SNX29: variants seen among roughly 807,000 people sequenced by gnomAD.
SNX29 encodes sorting nexin-29.
SNX29 carries 78 observed loss-of-function variants against 102.1 expected under a neutral mutation model. That is an observed-to-expected ratio of 0.76 (90% CI 0.64 to 0.92). The LOEUF (loss-of-function observed/expected upper bound fraction) is 0.92. Among genes scored for constraint, SNX29 ranks in the 40% least tolerant of loss-of-function variants. SNX29 has a pLI of 0.00. For synonymous variants in SNX29, 580 were observed against 414.5 expected (o/e 1.40, Z -4.85); for missense variants, 1,280 against 1,061.7 (o/e 1.21, Z -2.86).
chr16:12,221,228 GGA>G (rs977746273), intron 14 of SNX29, among the ~76,000 whole-genome samples: 37 of 152,196 alleles, frequency 2.4e-4, no homozygotes, highest in African/African-American at 8.2e-4. Flanking sequence ...AGTGGGGAGG[GGA>G]GAGATTGGAG....
At chr16:12,560,924 C>T (rs982401862) in intron 20 of SNX29, 2 of 202,886 alleles carry the variant, frequency 9.9e-6, no homozygotes, top group Non-Finnish European at 2.0e-5. Context: ...AATAAAGTAC[C>T]TCGTGGTGTT....
chr16:12,389,664 C>T (rs1441395153), intron 16 of SNX29, among the ~76,000 whole-genome samples: 3 of 152,256 alleles, frequency 2.0e-5, no homozygotes, highest in African/African-American at 4.8e-5. Context: ...TTGTGTAACC[C>T]TTTAAGAAGA....
At chr16:12,354,388 C>A (rs538394221) in intron 15 of SNX29, among the ~76,000 whole-genome samples, 1 of 152,310 alleles carries the variant, frequency 6.6e-6, no homozygotes, top group South Asian at 2.1e-4. Flanking sequence ...TGGTCAAGTT[C>A]TGCTCTTCTG....
At chr16:12,040,422 A>G (rs1413487030) in intron 4 of SNX29, among the ~76,000 whole-genome samples, 1 of 152,194 alleles carries the variant, frequency 6.6e-6, no homozygotes, top group Non-Finnish European at 1.5e-5. Flanking sequence ...AAATCTGTGT[A>G]CATGTGGATA....
intron 18 of SNX29, among the ~76,000 whole-genome samples, chr16:12,476,552 A>T (rs2087662560): frequency 6.7e-6 from 1 of 148,504 alleles, no homozygotes; most frequent in African/African-American, 2.5e-5. Context: ...AACTGATCTG[A>T]TTATAGGTTT....
intron 1 of SNX29, among the ~76,000 whole-genome samples, chr16:11,983,235 A>ATTTTTTT (rs557542669): frequency 7.7e-6 from 1 of 129,612 alleles, no homozygotes; most frequent in East Asian, 2.4e-4. Flanking sequence ...CTGGGTTACA[A>ATTTTTTT]TTTTTTTTTT....
intron 8 of SNX29, among the ~76,000 whole-genome samples, chr16:12,055,917 C>A (rs1488472773): frequency 1.3e-5 from 2 of 152,136 alleles, no homozygotes; most frequent in South Asian, 4.1e-4. Context: ...GAGTCTTACT[C>A]CATGGCCCCG....
rs1050238964 is a variant in SNX29, at chr16:12,230,662, A to G, written c.1678+30979A>G. ...CAGATGGTAGGCCTTGAATGCCCCAAATGCTTATCTTTGAGTTAGGTTGGG... is the reference window on the plus strand; with the variant it reads ...CAGATGGTAGGCCTTGAATGCCCCAGATGCTTATCTTTGAGTTAGGTTGGG... On this transcript the variant is annotated intron_variant, in intron 14 of 20. Transcript: ENST00000566228. 2.6e-5 allele frequency among the ~76,000 whole-genome samples: 4 copies of G among 152,190 alleles called. No homozygotes were observed. In the South Asian group the frequency reaches 8.3e-4, roughly 32 times the overall value.
chr16:12,167,111 T>C (rs2076034104), intron 13 of SNX29, among the ~76,000 whole-genome samples: 2 of 152,214 alleles, frequency 1.3e-5, no homozygotes, highest in Admixed American at 1.3e-4. Context: ...AAGTCTTGGC[T>C]TTGCTGGCTG....
intron 14 of SNX29, among the ~76,000 whole-genome samples, chr16:12,261,181 T>G (rs2078743055): frequency 6.9e-6 from 1 of 144,162 alleles, no homozygotes. Context: ...GAGTGAGTGT[T>G]TGCTGAGCTC....
chr16:12,403,370 C>A, intron 17 of SNX29, 78 bp from the exon 18 acceptor site: 1 of 1,423,816 alleles, frequency 7.0e-7, no homozygotes, highest in Non-Finnish European at 9.6e-7. Flanking sequence ...AAAATTGTCT[C>A]CTTTCCTCTT....
At chr16:12,198,746 A>G (rs1443017072) in intron 13 of SNX29, among the ~76,000 whole-genome samples, 2 of 152,198 alleles carry the variant, frequency 1.3e-5, no homozygotes, top group African/African-American at 4.8e-5. Flanking sequence ...CAAACACCGT[A>G]TTTGTCCAAC....
In SNX29 at chr16:12,027,303, C is replaced by T. The variant is rs368201138; in HGVS notation, c.123-17C>T. 195 of 1,612,992 alleles carry T rather than the reference C, an allele frequency of 1.2e-4. No homozygotes were observed. Among genetic ancestry groups the T allele is most frequent in the Non-Finnish European group, 1.6e-4 (189 of 1,179,434 alleles). ...CCCTTTTCTGGGGGGACTGATGAGT[C>T]ATTGGTTTTCTCACAGGGTCACCTG... On this transcript the variant is annotated splice_polypyrimidine_tract_variant and intron_variant, in intron 3 of 20. Transcript: ENST00000566228.
At chr16:12,449,371 G>A (rs1194556717) in intron 18 of SNX29, among the ~76,000 whole-genome samples, 18 of 151,942 alleles carry the variant, frequency 1.2e-4, no homozygotes, top group Admixed American at 1.1e-3. Flanking sequence ...GAATAGGCAC[G>A]GCAAGGACAG....
chr16:12,422,819 T>G (rs114294302), intron 18 of SNX29, among the ~76,000 whole-genome samples: 4 of 152,192 alleles, frequency 2.6e-5, no homozygotes, highest in Non-Finnish European at 5.9e-5. Flanking sequence ...TCTGACAATT[T>G]CACTTTTGTG....
intron 19 of SNX29, among the ~76,000 whole-genome samples, chr16:12,500,360 G>A (rs1262429191): frequency 6.6e-6 from 1 of 152,122 alleles, no homozygotes; most frequent in Non-Finnish European, 1.5e-5. Flanking sequence ...AATAACTGAG[G>A]ACCACCCAGA....
At chr16:12,406,832 C>T (rs1597266273) in intron 18 of SNX29, among the ~76,000 whole-genome samples, 1 of 152,160 alleles carries the variant, frequency 6.6e-6, no homozygotes, top group African/African-American at 2.4e-5. Flanking sequence ...TCGCTTGAAC[C>T]TGGGAGGCAG....
At chr16:11,987,746 A>G (rs568739780) in intron 1 of SNX29, among the ~76,000 whole-genome samples, 1 of 152,344 alleles carries the variant, frequency 6.6e-6, no homozygotes, top group Admixed American at 6.5e-5. Flanking sequence ...AAAGCAAGTA[A>G]TGAATGTATA....
chr16:12,292,224 T>A (rs1216190706), intron 15 of SNX29, among the ~76,000 whole-genome samples: 1 of 152,144 alleles, frequency 6.6e-6, no homozygotes, highest in East Asian at 1.9e-4. Context: ...GCGTGTCAGG[T>A]GGCAACTGAC....
Sources: gnomAD v4.1 joint callset for allele counts (sites outside exome capture counted in the v4.1 genomes callset) on GRCh38, gnomAD v4.1.1 for gene constraint, MANE v1.5 for transcripts, NCBI Gene and HGNC (gene_info 2026-07-23, HGNC 2026-07-21) for gene names.